Variants in CD2AP observed in about 807,000 individuals in gnomAD.
CD2AP encodes the protein CD2 associated protein.
In CD2AP, 46 loss-of-function variants were observed where a neutral mutation model predicts 85.1. That is an observed-to-expected ratio of 0.54 (90% CI 0.43 to 0.69). CD2AP has a LOEUF of 0.69. CD2AP is among the 30% of genes least tolerant of loss of function. The pLI is 0.00. For synonymous variants in CD2AP, 255 were observed against 252.9 expected, an observed-to-expected ratio of 1.01 and a Z score of -0.08; for missense variants, 769 against 729.5, an observed-to-expected ratio of 1.05 and a Z score of -0.62.
chr6:47,603,601 T>C (rs1169666055), intron 13 of CD2AP, among the ~76,000 whole-genome samples: 7 of 152,142 alleles, frequency 4.6e-5, no homozygotes, highest in Non-Finnish European at 8.8e-5. Context: ...AAACCTAATA[T>C]ACATCTTGTG....
chr6:47,568,361 T>TCCA (rs1454274000), intron 5 of CD2AP, among the ~76,000 whole-genome samples: 1 of 152,200 alleles, frequency 6.6e-6, no homozygotes, highest in Admixed American at 6.5e-5. Flanking sequence ...AGATATTTGG[T>TCCA]AGTCAGTTGT....
Position 47,624,715 on chromosome 6 carries a change from G to GTA in CD2AP, c.*489_*490insAT, listed in dbSNP as rs1561838574. The GTA allele has an allele frequency of 3.8e-5, 5 of 133,204 alleles. No individual in the cohort carries two copies. Among genetic ancestry groups the GTA allele is most frequent in the African/African-American group, 1.3e-4 (5 of 37,238 alleles). The allele number at this position is 133,204 out of a possible 1,614,324, so 8.3% of individuals were successfully genotyped here. On this transcript the variant is annotated 3_prime_UTR_variant, in exon 18 of 18. Coordinates refer to ENST00000359314, the MANE Select transcript of CD2AP (RefSeq NM_012120.3). ...TGTGTGTGTGTGTGTGTGTGTGTGTGTGTGTGTATATATATATATATATTT... is the reference window on the plus strand; with the variant it reads ...TGTGTGTGTGTGTGTGTGTGTGTGTGTATGTGTGTATATATATATATATATTT...
At chr6:47,544,480 T>G in intron 3 of CD2AP, 126 bp from the exon 4 acceptor site, 2 of 674,668 alleles carry the variant, frequency 3.0e-6, no homozygotes, top group Non-Finnish European at 2.6e-6. Context: ...ATTAGCTGTT[T>G]AGAATGCTCA....
At chr6:47,579,148 C>CCT (rs1403148493) in intron 8 of CD2AP, among the ~76,000 whole-genome samples, 3 of 151,994 alleles carry the variant, frequency 2.0e-5, no homozygotes, top group Non-Finnish European at 4.4e-5. Context: ...GCCTGTAGTT[C>CCT]CTGCACTTTG....
At chr6:47,560,520 G>C (rs548418651) in intron 5 of CD2AP, among the ~76,000 whole-genome samples, 1 of 152,022 alleles carries the variant, frequency 6.6e-6, no homozygotes, top group Admixed American at 6.6e-5. Context: ...TTTTTGAAGA[G>C]TTTAGGCTGA....
chr6:47,606,729 T>C (rs1388693319), intron 14 of CD2AP, among the ~76,000 whole-genome samples: 2 of 152,092 alleles, frequency 1.3e-5, no homozygotes, highest in Non-Finnish European at 2.9e-5. Flanking sequence ...TTATGTGAGA[T>C]ATTTTGATAC....
chr6:47,565,594 T>A (rs1767970838), intron 5 of CD2AP, among the ~76,000 whole-genome samples: 1 of 152,126 alleles, frequency 6.6e-6, no homozygotes, highest in African/African-American at 2.4e-5. Context: ...TCCTGCTCCA[T>A]GTAATCTTCC....
At chr6:47,604,638 C>T (rs559182575) in intron 13 of CD2AP, among the ~76,000 whole-genome samples, 48 of 152,016 alleles carry the variant, frequency 3.2e-4, no homozygotes, top group African/African-American at 1.0e-3. Context: ...CTTCAAATTA[C>T]GACATATTTT....
intron 5 of CD2AP, among the ~76,000 whole-genome samples, chr6:47,570,461 T>G (rs1056104216): frequency 3.3e-5 from 5 of 152,070 alleles, no homozygotes; most frequent in Middle Eastern, 3.2e-3. Context: ...ATAGATAAGG[T>G]TACTGTTTTG....
chr6:47,590,142 C>A (rs1768752168), intron 11 of CD2AP, among the ~76,000 whole-genome samples: 1 of 151,796 alleles, frequency 6.6e-6, no homozygotes, highest in Admixed American at 6.6e-5. Context: ...AAACCAAGAA[C>A]AACAGACAAT....
intron 17 of CD2AP, 78 bp downstream of exon 17, chr6:47,612,614 G>C: frequency 1.1e-6 from 1 of 930,784 alleles, no homozygotes; most frequent in Non-Finnish European, 1.7e-6. Context: ...TGGGTAATCG[G>C]TTCCTGTACA....
intron 17 of CD2AP, 40 bp from the exon 18 acceptor site, chr6:47,624,146 G>C (rs1054612632): frequency 1.6e-5 from 23 of 1,472,680 alleles, no homozygotes; most frequent in Non-Finnish European, 2.1e-5. Context: ...ACTAAACTAA[G>C]GATATTTTAT....
chr6:47,500,727 G>T (rs1258966042), intron 1 of CD2AP, among the ~76,000 whole-genome samples: 1 of 151,112 alleles, frequency 6.6e-6, no homozygotes, highest in African/African-American at 2.4e-5. Context: ...TCCAGAGTCT[G>T]CAGGAGGCCA....
chr6:47,606,138 T>C (rs1201958718), intron 13 of CD2AP, 27 bp from the exon 14 acceptor site: 2 of 1,159,198 alleles, frequency 1.7e-6, no homozygotes, highest in Non-Finnish European at 2.6e-6. Flanking sequence ...GTTCTCTTAG[T>C]AAATAATGTT....
At chr6:47,527,785 G>A (rs1766768636) in intron 2 of CD2AP, among the ~76,000 whole-genome samples, 1 of 152,106 alleles carries the variant, frequency 6.6e-6, no homozygotes, top group Non-Finnish European at 1.5e-5. Context: ...TGTGCCAGTG[G>A]CCCTGCCCTG....
chr6:47,602,047 T>C (rs111791377), intron 13 of CD2AP, among the ~76,000 whole-genome samples: 54 of 151,948 alleles, frequency 3.6e-4, no homozygotes, highest in African/African-American at 1.3e-3. Context: ...TTTAAACCCA[T>C]CCCATTTTGT....
chr6:47,576,564 T>A lies in CD2AP; in HGVS notation c.770T>A (p.Val257Glu). The A allele has an allele frequency of 1.2e-6, 2 of 1,612,864 alleles. No individual in the cohort carries two copies. The highest frequency in any genetic ancestry group is 1.7e-6 in the Non-Finnish European group (2 of 1,179,176). ...TCACTGGGACCCAAAACTCAGAGTG[T>A]GGAGATAACAAAAACAGATACCGAA... ...LQSLGPKTQS[V>E]EITKTDTEGK... The change falls in exon 7 of 18, where the codon GTG becomes GAG. Residue 257 changes from valine to glutamate, a missense_variant. Transcript: ENST00000359314.
chr6:47,513,490 G>A (rs1766371262), intron 2 of CD2AP, among the ~76,000 whole-genome samples: 1 of 151,786 alleles, frequency 6.6e-6, no homozygotes, highest in Non-Finnish European at 1.5e-5. Flanking sequence ...ATAGTCACTG[G>A]TATTTTTAGT....
In CD2AP at chr6:47,478,227, C is replaced by G. The variant is rs1188238425; in HGVS notation, c.-18C>G. The G allele has an allele frequency of 6.4e-7, 1 of 1,568,674 alleles. No homozygotes were observed. The highest frequency in any genetic ancestry group is 1.9e-5 in the Admixed American group (1 of 53,392). ...GAGGAGGAGCGGACGTCGGCTTCTC[C>G]CCGCGGGAGCCCCCAGCATGGGTAA... On this transcript the variant is annotated 5_prime_UTR_variant, in exon 1 of 18. Coordinates refer to ENST00000359314, the MANE Select transcript of CD2AP (RefSeq NM_012120.3).
Sources: allele counts gnomAD v4.1 joint callset (sites outside exome capture counted in the v4.1 genomes callset), GRCh38; gene constraint gnomAD v4.1.1; transcripts MANE v1.5; gene names NCBI Gene and HGNC (gene_info 2026-07-23, HGNC 2026-07-21).